Variants in SLC35C1 observed in about 807,000 individuals in gnomAD.
SLC35C1 encodes solute carrier family 35 member C1, also known as GDP-fucose transporter 1.
SLC35C1 carries 8 observed loss-of-function variants against 23.2 expected under a neutral mutation model. The ratio of observed to expected loss-of-function variants is 0.35; its 90% CI spans 0.20 to 0.62. The LOEUF is 0.62. Ranked by LOEUF, SLC35C1 falls within the 20% of genes least tolerant of loss-of-function variation. SLC35C1 has a pLI of 0.75. For missense variants in SLC35C1, 422 were observed against 478.6 expected (o/e 0.88, Z 1.10); for synonymous variants, 226 against 225.1 (o/e 1.00, Z -0.04).
chr11:45,805,114 A>G, upstream of SLC35C1: 1 of 985,922 alleles, frequency 1.0e-6, no homozygotes, highest in Non-Finnish European at 1.2e-6. Flanking sequence ...GCGTGTCAGG[A>G]AGTGAGTCCA....
At chr11:45,805,042 T>A (rs551053593), upstream of SLC35C1, 1 of 985,640 alleles carries the variant, frequency 1.0e-6, no homozygotes, top group East Asian at 1.1e-4. Flanking sequence ...GAACTCCGCC[T>A]CTCTGGGGCT....
At position 45,810,937 on chromosome 11, in the gene SLC35C1, TACA is replaced by T. The variant is rs1447195780; in HGVS notation, c.703_705del (p.Asn235del). The T allele has an allele frequency of 6.8e-6, 11 of 1,612,668 alleles. No individual in the cohort carries two copies. The highest frequency in any genetic ancestry group is 1.6e-4 in the Middle Eastern group (1 of 6,062). On this transcript the variant is annotated inframe_deletion, in exon 2 of 2. Coordinates refer to ENST00000314134, the MANE Select transcript of SLC35C1 (RefSeq NM_018389.5). ...CGGCAGCATCTGGCGCCTGACTTTC[TACA>T]ACAACGTCAACGCCTGCATCCTCTT...
intron 1 of SLC35C1, among the ~76,000 whole-genome samples, chr11:45,807,274 C>T (rs1249229173): frequency 6.6e-6 from 1 of 152,212 alleles, no homozygotes; most frequent in African/African-American, 2.4e-5. Context: ...CCATTGGCCA[C>T]TTATTTAAAT....
At position 45,812,238 on chromosome 11, in the gene SLC35C1, T is replaced by C; in HGVS notation, c.*903T>C. On this transcript the variant is annotated 3_prime_UTR_variant, in exon 2 of 2. Coordinates refer to ENST00000314134, the MANE Select transcript of SLC35C1 (RefSeq NM_018389.5). ...CCAGGTGGGGCTGATGGAGCAAGGG[T>C]CCAGACTAGGAGCCTTCCACCCCAG... 1 of 248,678 alleles carries C rather than the reference T, an allele frequency of 4.0e-6. No individual in the cohort carries two copies. The highest frequency in any genetic ancestry group is 4.3e-5 in the Admixed American group (1 of 23,066). The allele number at this position is 248,678 out of a possible 1,614,324, so 15.4% of individuals were successfully genotyped here.
intron 1 of SLC35C1, chr11:45,806,802 T>C: frequency 1.4e-6 from 1 of 702,678 alleles, no homozygotes; most frequent in South Asian, 6.4e-5. Flanking sequence ...GCCCGACCAC[T>C]GTACTTTATT....
Position 45,812,728 on chromosome 11 carries a change from T to C in SLC35C1, c.*1393T>C, listed in dbSNP as rs931489177. 1.8e-5 allele frequency: 8 copies of C among 449,408 alleles called. No homozygotes were observed. The highest frequency in any genetic ancestry group is 1.2e-4 in the Admixed American group (5 of 42,200). The allele number at this position is 449,408 out of a possible 1,614,324, so 27.8% of individuals were successfully genotyped here. A position where few individuals can be genotyped will look rare whatever the true frequency, so the allele number is the denominator to read the frequency against. ...TGGGGGTGAGAATTCCAATGTGAAT[T>C]TGCAGGGGGAGTGGGGGACACACAC... is the stretch of plus-strand genomic sequence containing the variant. On this transcript the variant is annotated 3_prime_UTR_variant, in exon 2 of 2. Coordinates refer to ENST00000314134, the MANE Select transcript of SLC35C1 (RefSeq NM_018389.5).
At chr11:45,806,622 T>G (rs1465756802) in intron 1 of SLC35C1, among the ~76,000 whole-genome samples, 2 of 152,250 alleles carry the variant, frequency 1.3e-5, no homozygotes, top group Non-Finnish European at 2.9e-5. Context: ...CACATGGATC[T>G]TAGCCATATT....
chr11:45,805,228 C>A lies in SLC35C1; in HGVS notation c.-574C>A. 1.0e-6 allele frequency: 1 copy of A among 995,826 alleles called. No homozygotes were observed. The allele number at this position is 995,826 out of a possible 1,614,324, so 61.7% of individuals were successfully genotyped here. On this transcript the variant is annotated 5_prime_UTR_variant, in exon 1 of 2. Transcript: ENST00000314134. ...CGAGACGTGGGCGCCGGCCCAGCCC[C>A]CTCCCGCGTCCTTCAGCCCCAAGCC...
chr11:45,809,477 G>A (rs1162902878), intron 1 of SLC35C1, among the ~76,000 whole-genome samples: 1 of 152,190 alleles, frequency 6.6e-6, no homozygotes. Flanking sequence ...CCGACTCCAC[G>A]TGGTGCAGGT....
chr11:45,805,332 C>A lies in SLC35C1; in HGVS notation c.-470C>A, dbSNP rs1432130828. 2 of 1,006,136 alleles carry A rather than the reference C, an allele frequency of 2.0e-6. No homozygotes were observed. Among genetic ancestry groups the A allele is most frequent in the East Asian group, 9.3e-5 (1 of 10,756 alleles). The allele number at this position is 1,006,136 out of a possible 1,614,324, so 62.3% of individuals were successfully genotyped here. A position where few individuals can be genotyped will look rare whatever the true frequency, so the allele number is the denominator to read the frequency against. Reference sequence around the variant, plus strand: ...GCAGCTCCCTGTACGCCTCCCTCCCCCTGCCCGCCCCTCCCTCCCACAGCC... The same window carrying A: ...GCAGCTCCCTGTACGCCTCCCTCCCACTGCCCGCCCCTCCCTCCCACAGCC... On this transcript the variant is annotated 5_prime_UTR_variant, in exon 1 of 2. Transcript: ENST00000314134.
Position 45,805,598 on chromosome 11 carries a change from G to C in SLC35C1, c.-204G>C. The C allele has an allele frequency of 3.4e-6, 5 of 1,465,108 alleles. No individual in the cohort carries two copies. The highest frequency in any genetic ancestry group is 3.6e-6 in the Non-Finnish European group (4 of 1,109,390). 90.8% of individuals were successfully genotyped at this position (1,465,108 alleles called of 1,614,324 possible). A position where few individuals can be genotyped will look rare whatever the true frequency, so the allele number is the denominator to read the frequency against. On this transcript the variant is annotated 5_prime_UTR_variant, in exon 1 of 2. Coordinates refer to ENST00000314134, the MANE Select transcript of SLC35C1 (RefSeq NM_018389.5). ...CTTGTCTCAGAGCCCCCTCGGGGTG[G>C]GAGTAGGTTGTGGAGCAGCACAACT...
rs1040271412 is a variant in SLC35C1, at chr11:45,805,250, A to G, written c.-552A>G. The G allele has an allele frequency of 4.0e-6, 4 of 1,000,208 alleles. No homozygotes were observed. The highest frequency in any genetic ancestry group is 5.4e-5 in the Admixed American group (1 of 18,526). The allele number at this position is 1,000,208 out of a possible 1,614,324, so 62.0% of individuals were successfully genotyped here. A position where few individuals can be genotyped will look rare whatever the true frequency, so the allele number is the denominator to read the frequency against. The stretch of plus-strand genomic sequence containing the variant: ...CCCCCTCCCGCGTCCTTCAGCCCCA[A>G]GCCCCGAGCCCCTCTGACCCTTCCG... On this transcript the variant is annotated 5_prime_UTR_variant, in exon 1 of 2. Coordinates refer to ENST00000314134, the MANE Select transcript of SLC35C1 (RefSeq NM_018389.5).
rs144046143 is a variant in SLC35C1, at chr11:45,811,236, C to T, written c.996C>T (p.Gly332=). The T allele has an allele frequency of 1.2e-5, 19 of 1,604,104 alleles. No individual in the cohort carries two copies. Among genetic ancestry groups the T allele is most frequent in the South Asian group, 6.6e-5 (6 of 90,942 alleles). Residue 332 remains glycine, a synonymous_variant, in exon 2 of 2, where the codon GGC becomes GGT. Transcript: ENST00000314134. ...GGACGAGCAACATGATGGTGCTGGG[C>T]GGCTCCTCCGCCTACACCTGGGTCA... is the stretch of plus-strand genomic sequence containing the variant. The part of the protein sequence containing the change: ...LWWTSNMMVL[G]GSSAYTWVRG...
intron 1 of SLC35C1, among the ~76,000 whole-genome samples, chr11:45,807,825 A>C (rs2085893685): frequency 6.6e-6 from 1 of 152,148 alleles, no homozygotes; most frequent in Non-Finnish European, 1.5e-5. Flanking sequence ...TCCAGGGAAC[A>C]GGTGTACCTC....
intron 1 of SLC35C1, among the ~76,000 whole-genome samples, chr11:45,807,648 C>T (rs983144675): frequency 1.3e-5 from 2 of 152,202 alleles, no homozygotes; most frequent in Non-Finnish European, 2.9e-5. Context: ...AGGGACCCAT[C>T]CCATGCCACC....
In SLC35C1 at chr11:45,805,950, TCACC is replaced by T; in HGVS notation, c.150_153del (p.Thr51ProfsTer32). On this transcript the variant is annotated frameshift_variant, in exon 1 of 2. Coordinates refer to ENST00000314134, the MANE Select transcript of SLC35C1 (RefSeq NM_018389.5). LOFTEE classifies it high-confidence loss of function. ...GCGCTGGTGGTCTCCCTCTACTGGG[TCACC>T]TCCATCTCCATGGTGTTCCTTAATA... 6.2e-7 allele frequency: 1 copy of T among 1,614,182 alleles called. No individual in the cohort carries two copies. The highest frequency in any genetic ancestry group is 2.2e-5 in the East Asian group (1 of 44,866).
rs1185864574 is a variant in SLC35C1, at chr11:45,805,861, A to G, written c.60A>G (p.Ser20=). The change falls in exon 1 of 2, where the codon TCA becomes TCG. Residue 20 remains serine (S), a synonymous_variant. Coordinates refer to ENST00000314134, the MANE Select transcript of SLC35C1 (RefSeq NM_018389.5). ...RILHMALTGA[S]DPSAEAEANG... ...TGCACATGGCGCTGACCGGGGCCTC[A>G]GACCCCTCTGCAGAGGCAGAGGCCA... 6.2e-7 allele frequency: 1 copy of G among 1,614,018 alleles called. No homozygotes were observed. The highest frequency in any genetic ancestry group is 1.7e-5 in the Admixed American group (1 of 60,012).
chr11:45,806,399 A>G (rs2085878715), intron 1 of SLC35C1, 63 bp downstream of exon 1: 2 of 1,577,710 alleles, frequency 1.3e-6, no homozygotes, highest in South Asian at 1.1e-5. Context: ...GTGAAGAACA[A>G]CTCTTCTAGG....
Position 45,810,935 on chromosome 11 carries a change from T to C in SLC35C1, c.695T>C (p.Phe232Ser). Reference sequence around the variant, plus strand: ...GACGGCAGCATCTGGCGCCTGACTTTCTACAACAACGTCAACGCCTGCATC... The same window carrying C: ...GACGGCAGCATCTGGCGCCTGACTTCCTACAACAACGTCAACGCCTGCATC... ...AVDGSIWRLT[F>S]YNNVNACILF... The change falls in exon 2 of 2, where the codon TTC (phenylalanine) becomes TCC (serine). Residue 232 changes from phenylalanine to serine, a missense_variant. Physicochemically the swap from Phe to Ser is radical, Grantham distance 155. Transcript: ENST00000314134. 2 of 1,612,678 alleles carry C rather than the reference T, an allele frequency of 1.2e-6. No homozygotes were observed. Among genetic ancestry groups the C allele is most frequent in the Non-Finnish European group, 1.7e-6 (2 of 1,180,030 alleles).
Sources: allele counts gnomAD v4.1 joint callset (sites outside exome capture counted in the v4.1 genomes callset), GRCh38; gene constraint gnomAD v4.1.1; transcripts MANE v1.5; gene names NCBI Gene and HGNC (gene_info 2026-07-23, HGNC 2026-07-21).